The following RBP4 variants were observed in gnomAD, a reference collection of about 807,000 sequenced individuals.
RBP4 encodes retinol binding protein 4, also known as retinol-binding protein 4.
RBP4 carries 9 observed loss-of-function variants against 26.2 expected under a neutral mutation model. The observed-to-expected ratio is 0.34, with a 90% CI of 0.21 to 0.60. The LOEUF is 0.60. Ranked by LOEUF, RBP4 falls within the 20% of genes least tolerant of loss-of-function variation. The probability of loss-of-function intolerance (pLI) is 0.80; values close to 1 mark genes in which losing one functional copy is unlikely to be tolerated. For missense variants in RBP4, 244 were observed against 271.3 expected (o/e 0.90, Z 0.71); for synonymous variants, 114 against 111.0 (o/e 1.03, Z -0.17).
At chr10:93,598,292 G>C (rs1024413359) in intron 4 of RBP4, among the ~76,000 whole-genome samples, 1 of 152,208 alleles carries the variant, frequency 6.6e-6, no homozygotes, top group African/African-American at 2.4e-5. Flanking sequence ...CTTTCTGCCT[G>C]TTGACTCATT....
Position 93,600,357 on chromosome 10 carries a change from C to T in RBP4, c.355+36G>A, listed in dbSNP as rs55684241. ...CAGCGATTTGGCCCGGTAGGCGCCC[C>T]ATTCCCAAGACAGTCCCACAGAGCT... On this transcript the variant is annotated intron_variant, in intron 4 of 5. Coordinates refer to ENST00000371464, the MANE Select transcript of RBP4 (RefSeq NM_006744.4). 239 of 1,576,900 alleles carry T rather than the reference C, an allele frequency of 1.5e-4. 1 individual carries two copies. In the East Asian group the frequency reaches 5.1e-3, roughly 34 times the overall value.
chr10:93,596,750 C>T (rs1240662902), intron 4 of RBP4, among the ~76,000 whole-genome samples: 1 of 152,238 alleles, frequency 6.6e-6, no homozygotes, highest in Non-Finnish European at 1.5e-5. Context: ...GGCGCTGTCT[C>T]AGGCAACCTG....
intron 1 of RBP4, 50 bp from the exon 2 acceptor site, chr10:93,601,096 G>T (rs2058335506): frequency 1.9e-6 from 3 of 1,577,656 alleles, no homozygotes; most frequent in Non-Finnish European, 1.7e-6. Flanking sequence ...CCCCGCCGCC[G>T]TATCCCACCT....
At chr10:93,601,328 G>A, upstream of RBP4, 1 of 1,220,840 alleles carries the variant, frequency 8.2e-7, no homozygotes, top group South Asian at 3.8e-5. Flanking sequence ...AAGGGGAGGC[G>A]CCGGGGGCAC....
At position 93,591,818 on chromosome 10, in the gene RBP4, C is replaced by T. The variant is rs2058267888; in HGVS notation, c.*257G>A. The T allele has an allele frequency of 1.9e-6, 1 of 515,784 alleles. No individual in the cohort carries two copies. Among genetic ancestry groups the T allele is most frequent in the Admixed American group, 3.3e-5 (1 of 30,716 alleles). The allele number at this position is 515,784 out of a possible 1,614,324, so 32.0% of individuals were successfully genotyped here. On this transcript the variant is annotated 3_prime_UTR_variant, in exon 6 of 6. Transcript: ENST00000371464. ...CATCCGTCTGCAGCACAGACATAAACACAAATGAAAACTAAAATCACAGGA... is the reference window on the plus strand; with the variant it reads ...CATCCGTCTGCAGCACAGACATAAATACAAATGAAAACTAAAATCACAGGA...
rs369214755 is a variant in RBP4, at chr10:93,600,737, C to T, written c.178G>A (p.Val60Ile). The T allele has an allele frequency of 3.7e-6, 6 of 1,611,232 alleles. No individual in the cohort carries two copies. The highest frequency in any genetic ancestry group is 4.2e-6 in the Non-Finnish European group (5 of 1,178,834). Residue 60 changes from valine to isoleucine, a missense_variant, in exon 3 of 6, where the codon GTC becomes ATC. Coordinates refer to ENST00000371464, the MANE Select transcript of RBP4 (RefSeq NM_006744.4). ...GTCTCGTCCACGGAGAACTCCGCGA[C>T]GATGTTGTCCTGCAGAAAGAGGCCC... is the stretch of plus-strand genomic sequence containing the variant. ...PEGLFLQDNIVAEFSVDETGQ... is the reference protein window; with the variant it reads ...PEGLFLQDNIIAEFSVDETGQ...
At chr10:93,601,145 G>A in intron 1 of RBP4, 26 bp downstream of exon 1, 1 of 1,451,528 alleles carries the variant, frequency 6.9e-7, no homozygotes, top group Non-Finnish European at 9.0e-7. Context: ...CCCGCCGCCG[G>A]CCCCGAGGCC....
At chr10:93,597,273 G>A (rs1326767421) in intron 4 of RBP4, among the ~76,000 whole-genome samples, 1 of 152,162 alleles carries the variant, frequency 6.6e-6, no homozygotes, top group Non-Finnish European at 1.5e-5. Context: ...AGTCTGACAA[G>A]GGCCCCTTTA....
At position 93,600,597 on chromosome 10, in the gene RBP4, G is replaced by A. The variant is rs553299253; in HGVS notation, c.248+70C>T. On this transcript the variant is annotated intron_variant, in intron 3 of 5. Coordinates refer to ENST00000371464, the MANE Select transcript of RBP4 (RefSeq NM_006744.4). Reference sequence around the variant, plus strand: ...CCCTTCCCTTCACAATGCCCACGTGGCGATCAGCAGGCAGGGCCCTTGGGG... The same window carrying A: ...CCCTTCCCTTCACAATGCCCACGTGACGATCAGCAGGCAGGGCCCTTGGGG... 2.5e-6 allele frequency: 4 copies of A among 1,612,428 alleles called. No homozygotes were observed. In the African/African-American group the frequency reaches 4.0e-5, roughly 16 times the overall value.
intron 4 of RBP4, among the ~76,000 whole-genome samples, chr10:93,596,328 G>A (rs1225936025): frequency 2.0e-5 from 3 of 151,992 alleles, no homozygotes; most frequent in Non-Finnish European, 2.9e-5. Context: ...GAAGGCCTAA[G>A]TTGGTTTGGT....
intron 4 of RBP4, among the ~76,000 whole-genome samples, chr10:93,596,567 A>C (rs2134570850): frequency 6.6e-6 from 1 of 152,274 alleles, no homozygotes; most frequent in South Asian, 2.1e-4. Flanking sequence ...CATGCAGTGG[A>C]GCTAGGGACA....
intron 5 of RBP4, among the ~76,000 whole-genome samples, chr10:93,593,182 A>G (rs377263306): frequency 1.3e-5 from 2 of 152,302 alleles, no homozygotes; most frequent in African/African-American, 4.8e-5. Flanking sequence ...TCCCATAGCA[A>G]TGAGTGAGTG....
chr10:93,597,963 AAC>A (rs2058312809), intron 4 of RBP4, among the ~76,000 whole-genome samples: 1 of 152,232 alleles, frequency 6.6e-6, no homozygotes. Flanking sequence ...TGTAAAACAG[AAC>A]AAGGTAGGTG....
intron 3 of RBP4, 23 bp downstream of exon 3, chr10:93,600,644 C>T: frequency 6.2e-7 from 1 of 1,612,116 alleles, no homozygotes; most frequent in Non-Finnish European, 8.5e-7. Context: ...GCAAAGGGCG[C>T]AGCTGCCCCG....
chr10:93,591,999 A>T lies in RBP4; in HGVS notation c.*76T>A. The T allele has an allele frequency of 7.7e-7, 1 of 1,291,308 alleles. No homozygotes were observed. The highest frequency in any genetic ancestry group is 1.1e-6 in the Non-Finnish European group (1 of 887,166). 80.0% of individuals were successfully genotyped at this position (1,291,308 alleles called of 1,614,324 possible). A position where few individuals can be genotyped will look rare whatever the true frequency, so the allele number is the denominator to read the frequency against. On this transcript the variant is annotated 3_prime_UTR_variant, in exon 6 of 6. Coordinates refer to ENST00000371464, the MANE Select transcript of RBP4 (RefSeq NM_006744.4). ...GAAGATGGGGAGAGAAGGGCAAATT[A>T]AACTCCTAAGATAAATAGAGCTGAA...
At chr10:93,599,113 C>T (rs12217985) in intron 4 of RBP4, among the ~76,000 whole-genome samples, 11 of 151,424 alleles carry the variant, frequency 7.3e-5, no homozygotes, top group Non-Finnish European at 1.3e-4. Flanking sequence ...GCCAGGCATG[C>T]TGGCCCATGC....
rs1189790624 is a variant in RBP4 at position 93,600,543 on chromosome 10, T to C, written c.249-44A>G. ...TCCTCAGCCAAGCCGGGCAAAGGGCTTCCTCCCTCCCTCCACCCATTCGGT... is the reference window on the plus strand; with the variant it reads ...TCCTCAGCCAAGCCGGGCAAAGGGCCTCCTCCCTCCCTCCACCCATTCGGT... On this transcript the variant is annotated intron_variant, in intron 3 of 5. Coordinates refer to ENST00000371464, the MANE Select transcript of RBP4 (RefSeq NM_006744.4). The C allele has an allele frequency of 8.7e-6, 14 of 1,612,562 alleles. No homozygotes were observed. In the South Asian group the frequency reaches 1.5e-4, roughly 18 times the overall value.
chr10:93,592,200 G>T, intron 5 of RBP4, 88 bp from the exon 6 acceptor site: 2 of 1,144,802 alleles, frequency 1.7e-6, no homozygotes, highest in Non-Finnish European at 2.7e-6. Flanking sequence ...CTTAGAGCTG[G>T]CTTCATTCAA....
At chr10:93,594,103 C>G (rs2058287198) in intron 4 of RBP4, 68 bp from the exon 5 acceptor site, 1 of 1,455,138 alleles carries the variant, frequency 6.9e-7, no homozygotes, top group Non-Finnish European at 9.6e-7. Context: ...CGGAGAAACT[C>G]ACGACCAGGC....
Sources: gnomAD v4.1 joint callset for allele counts (sites outside exome capture counted in the v4.1 genomes callset) on GRCh38, gnomAD v4.1.1 for gene constraint, MANE v1.5 for transcripts, NCBI Gene and HGNC (gene_info 2026-07-23, HGNC 2026-07-21) for gene names.